The following WWOX variants were observed in gnomAD, a reference collection of about 807,000 sequenced individuals.
WWOX encodes the protein WW domain-containing oxidoreductase.
WWOX carries 69 observed loss-of-function variants against 46.2 expected under a neutral mutation model. The observed-to-expected ratio is 1.49, with a 90% CI of 1.23 to 1.82. The LOEUF (loss-of-function observed/expected upper bound fraction) is 1.82, where lower values mean the gene tolerates loss of function less well. Ranked by LOEUF, WWOX falls within the 40% of genes most tolerant of loss-of-function variation. The pLI is 0.00. For synonymous variants in WWOX, 359 were observed against 202.6 expected, an observed-to-expected ratio of 1.77 and a Z score of -6.56; for missense variants, 919 against 542.6, an observed-to-expected ratio of 1.69 and a Z score of -6.89.
intron 8 of WWOX, among the ~76,000 whole-genome samples, chr16:78,689,453 C>G (rs559130164): frequency 1.6e-4 from 25 of 152,324 alleles, no homozygotes; most frequent in Middle Eastern, 6.8e-3. Flanking sequence ...AACTTTAGCT[C>G]AGCTCCTCAG....
intron 8 of WWOX, among the ~76,000 whole-genome samples, chr16:79,132,205 A>G (rs1567571843): frequency 2.6e-5 from 4 of 151,652 alleles, no homozygotes. Flanking sequence ...TTGGAAAGCA[A>G]TCATATTTAA....
chr16:78,582,980 C>T (rs984311034), intron 8 of WWOX, among the ~76,000 whole-genome samples: 2 of 152,188 alleles, frequency 1.3e-5, no homozygotes, highest in African/African-American at 2.4e-5. Context: ...TGCATGTTGT[C>T]AAATGCGCGT....
At chr16:78,235,396 G>C (rs1162294052) in intron 5 of WWOX, among the ~76,000 whole-genome samples, 2 of 152,126 alleles carry the variant, frequency 1.3e-5, no homozygotes, top group East Asian at 3.9e-4. Context: ...TGGTGGCAGG[G>C]AGTGGAGGTG....
At chr16:78,690,565 G>A (rs2047962037) in intron 8 of WWOX, among the ~76,000 whole-genome samples, 1 of 152,010 alleles carries the variant, frequency 6.6e-6, no homozygotes, top group Non-Finnish European at 1.5e-5. Flanking sequence ...ATTAAAAAAA[G>A]AAGAAGAAAT....
At chr16:78,955,321 G>C (rs1047689329) in intron 8 of WWOX, among the ~76,000 whole-genome samples, 1 of 152,278 alleles carries the variant, frequency 6.6e-6, no homozygotes. Flanking sequence ...ATACAACAAC[G>C]TCAGTGAAAT....
At chr16:78,984,979 C>T (rs926838605) in intron 8 of WWOX, among the ~76,000 whole-genome samples, 1 of 151,408 alleles carries the variant, frequency 6.6e-6, no homozygotes, top group Admixed American at 6.6e-5. Flanking sequence ...AGATACTGGG[C>T]AAAAGGAAAA....
intron 8 of WWOX, among the ~76,000 whole-genome samples, chr16:78,682,846 A>G (rs573313376): frequency 4.6e-5 from 7 of 152,198 alleles, no homozygotes; most frequent in African/African-American, 9.6e-5. Context: ...GCCTGCTGCA[A>G]ATAGAACAGT....
At chr16:78,699,028 G>C (rs2048157386) in intron 8 of WWOX, among the ~76,000 whole-genome samples, 2 of 152,300 alleles carry the variant, frequency 1.3e-5, no homozygotes, top group African/African-American at 2.4e-5. Flanking sequence ...TAAAATGCCA[G>C]ATAGTGTTTC....
At chr16:79,010,044 A>G (rs1166806675) in intron 8 of WWOX, among the ~76,000 whole-genome samples, 1 of 152,186 alleles carries the variant, frequency 6.6e-6, no homozygotes, top group African/African-American at 2.4e-5. Flanking sequence ...CCTAGAATTG[A>G]GCAAGCTGCT....
intron 8 of WWOX, among the ~76,000 whole-genome samples, chr16:78,835,327 A>G (rs915997442): frequency 1.3e-5 from 2 of 152,226 alleles, no homozygotes; most frequent in South Asian, 2.1e-4. Context: ...GCGTTGTGCA[A>G]AATATTCTAG....
At chr16:78,586,980 C>A (rs780998256) in intron 8 of WWOX, among the ~76,000 whole-genome samples, 3 of 152,088 alleles carry the variant, frequency 2.0e-5, no homozygotes, top group Non-Finnish European at 2.9e-5. Context: ...AATTTGAAAA[C>A]CTCTACTAAT....
chr16:78,756,516 C>A (rs1230253749), intron 8 of WWOX, among the ~76,000 whole-genome samples: 2 of 152,076 alleles, frequency 1.3e-5, no homozygotes, highest in African/African-American at 4.8e-5. Flanking sequence ...CCAGAACACA[C>A]TGAAAAACAC....
intron 8 of WWOX, among the ~76,000 whole-genome samples, chr16:78,466,169 C>G (rs1343929916): frequency 1.3e-5 from 2 of 151,962 alleles, no homozygotes; most frequent in Non-Finnish European, 2.9e-5. Flanking sequence ...GTAGCTGGGA[C>G]TATAGGTGCC....
At chr16:78,447,943 A>G (rs2083600101) in intron 8 of WWOX, among the ~76,000 whole-genome samples, 1 of 152,138 alleles carries the variant, frequency 6.6e-6, no homozygotes, top group African/African-American at 2.4e-5. Flanking sequence ...AGCTGGGATT[A>G]CAGGCACCCA....
At chr16:78,413,521 G>A (rs2082729206) in intron 6 of WWOX, among the ~76,000 whole-genome samples, 2 of 152,174 alleles carry the variant, frequency 1.3e-5, no homozygotes. Flanking sequence ...CTTAAAGGTG[G>A]TGGAGATTAC....
chr16:79,071,000 G>A (rs2048539844), intron 8 of WWOX, among the ~76,000 whole-genome samples: 1 of 152,224 alleles, frequency 6.6e-6, no homozygotes. Context: ...GACTCAGAAT[G>A]TAGGGAGTGT....
At chr16:78,559,056 G>A (rs938545699) in intron 8 of WWOX, among the ~76,000 whole-genome samples, 1 of 152,216 alleles carries the variant, frequency 6.6e-6, no homozygotes, top group African/African-American at 2.4e-5. Context: ...TACGTGGAAG[G>A]ACACATAGTT....
At chr16:79,050,313 G>A (rs920828364) in intron 8 of WWOX, among the ~76,000 whole-genome samples, 1 of 152,170 alleles carries the variant, frequency 6.6e-6, no homozygotes, top group Non-Finnish European at 1.5e-5. Flanking sequence ...GGCTGGACAT[G>A]GGTGGGGCAC....
chr16:78,853,641 C>T (rs953162977), intron 8 of WWOX, among the ~76,000 whole-genome samples: 16 of 152,066 alleles, frequency 1.1e-4, no homozygotes, highest in African/African-American at 3.1e-4. Context: ...CTTCGCCTTT[C>T]CCTGGGTGGA....
Sources: gnomAD v4.1 joint callset for allele counts (sites outside exome capture counted in the v4.1 genomes callset) on GRCh38, gnomAD v4.1.1 for gene constraint, MANE v1.5 for transcripts, NCBI Gene and HGNC (gene_info 2026-07-23, HGNC 2026-07-21) for gene names.